Variants in RNF169 observed in about 807,000 individuals in gnomAD.
RNF169 encodes ring finger protein 169, also known as E3 ubiquitin-protein ligase RNF169.
In RNF169, 24 loss-of-function variants were observed where a neutral mutation model predicts 53.9. The ratio of observed to expected loss-of-function variants is 0.45; its 90% CI spans 0.32 to 0.63. The LOEUF (loss-of-function observed/expected upper bound fraction) is 0.63. Among genes scored for constraint, RNF169 ranks in the 20% least tolerant of loss-of-function variants. The probability of loss-of-function intolerance (pLI) is 0.04; values close to 1 mark genes in which losing one functional copy is unlikely to be tolerated. For synonymous variants in RNF169, 396 were observed against 363.5 expected (o/e 1.09, Z -1.02); for missense variants, 883 against 906.2 (o/e 0.97, Z 0.33).
intron 1 of RNF169, among the ~76,000 whole-genome samples, chr11:74,769,697 G>C (rs2035231934): frequency 6.6e-6 from 1 of 152,152 alleles, no homozygotes; most frequent in Non-Finnish European, 1.5e-5. Flanking sequence ...AAAAGAATAT[G>C]TATCCTTTGA....
chr11:74,819,973 C>T (rs181112557), intron 4 of RNF169, among the ~76,000 whole-genome samples: 19 of 152,114 alleles, frequency 1.2e-4, no homozygotes, highest in African/African-American at 7.2e-5. Flanking sequence ...AGTGGCTGTG[C>T]GTTCTATACA....
Position 74,841,060 on chromosome 11 carries a change from A to G in RNF169, c.*4330A>G, listed in dbSNP as rs2036463345. The G allele has an allele frequency of 6.6e-6, 1 of 152,170 alleles. No homozygotes were observed. Among genetic ancestry groups the G allele is most frequent in the African/African-American group, 2.4e-5 (1 of 41,440 alleles). The allele number at this position is 152,170 out of a possible 1,614,324, so 9.4% of individuals were successfully genotyped here. A position where few individuals can be genotyped will look rare whatever the true frequency, so the allele number is the denominator to read the frequency against. On this transcript the variant is annotated 3_prime_UTR_variant, in exon 6 of 6. Transcript: ENST00000299563. ...AGTCTCCATAGTATAAGTAAGTAATATGAATGTGGAATCTTGGAAAGTGAT... is the reference window on the plus strand; with the variant it reads ...AGTCTCCATAGTATAAGTAAGTAATGTGAATGTGGAATCTTGGAAAGTGAT...
intron 1 of RNF169, among the ~76,000 whole-genome samples, chr11:74,770,291 A>G (rs1009371341): frequency 3.9e-5 from 6 of 152,234 alleles, no homozygotes; most frequent in African/African-American, 1.4e-4. Flanking sequence ...TTTTTGATGT[A>G]TACTGCAGGA....
chr11:74,782,404 T>A (rs1014444950), intron 1 of RNF169, among the ~76,000 whole-genome samples: 3 of 152,108 alleles, frequency 2.0e-5, no homozygotes, highest in African/African-American at 7.2e-5. Flanking sequence ...AGCATTAGAT[T>A]CTCATAGGAG....
rs1041618945 is a variant in RNF169, at chr11:74,756,676, T to C, written c.502+7294T>C. ...GAGGGAAATAGTACATTTAAAGGCA[T>C]AGGAACATGAAACAAGGAGCGTTCT... is the stretch of plus-strand genomic sequence containing the variant. On this transcript the variant is annotated intron_variant, in intron 1 of 5. Transcript: ENST00000299563. Among the ~76,000 whole-genome samples the C allele has an allele frequency of 2.0e-5, 3 of 152,172 alleles. No individual in the cohort carries two copies. The South Asian group carries it at 6.2e-4, about 31-fold the overall frequency.
rs556078840 is a variant in RNF169, at chr11:74,836,254, T to C, written c.1651T>C (p.Leu551=). The change falls in exon 6 of 6, where the codon TTA becomes CTA. Residue 551 remains leucine (L), a synonymous_variant. Coordinates refer to ENST00000299563, the MANE Select transcript of RNF169 (RefSeq NM_001098638.2). ...TSLEREQFEG[L]GSTPDAKLDK... ...TTTGGAGAGGGAGCAGTTTGAGGGG[T>C]TAGGGTCAACTCCAGATGCCAAGTT... 6.2e-7 allele frequency: 1 copy of C among 1,613,870 alleles called. No homozygotes were observed. Among genetic ancestry groups the C allele is most frequent in the Non-Finnish European group, 8.5e-7 (1 of 1,179,968 alleles).
intron 1 of RNF169, among the ~76,000 whole-genome samples, chr11:74,757,000 A>ATTTATTTTTATT (rs6144395): frequency 0.34 from 51,128 of 150,612 alleles, 10,730 homozygotes; most frequent in African/African-American, 0.6. Context: ...TCTTTTATTT[A>ATTTATTTTTATT]TTTATTTTTA....
At chr11:74,756,765 C>T (rs545252030) in intron 1 of RNF169, among the ~76,000 whole-genome samples, 2 of 152,262 alleles carry the variant, frequency 1.3e-5, no homozygotes. Context: ...GCATGTGGGA[C>T]TGCAGAAATT....
At position 74,836,753 on chromosome 11, in the gene RNF169, T is replaced by C; in HGVS notation, c.*23T>C. ...TAGCACCTAATGAAGTGTTACCTAT[T>C]TTTAAAAGGTCTTAGGCCTTGATCA... On this transcript the variant is annotated 3_prime_UTR_variant, in exon 6 of 6. Transcript: ENST00000299563. 6.4e-7 allele frequency: 1 copy of C among 1,552,446 alleles called. No individual in the cohort carries two copies. Among genetic ancestry groups the C allele is most frequent in the Non-Finnish European group, 8.7e-7 (1 of 1,143,090 alleles).
intron 2 of RNF169, among the ~76,000 whole-genome samples, chr11:74,808,989 C>T (rs1466639037): frequency 6.6e-6 from 1 of 152,128 alleles, no homozygotes; most frequent in African/African-American, 2.4e-5. Context: ...TTCATAACCT[C>T]ATGAATTAGA....
At position 74,838,676 on chromosome 11, in the gene RNF169, T is replaced by C. The variant is rs1424579966; in HGVS notation, c.*1946T>C. ...AAAACATTTACCAAACTCATGATTT[T>C]GTAGTCACACCACTTCAGTTCTGGG... On this transcript the variant is annotated 3_prime_UTR_variant, in exon 6 of 6. Coordinates refer to ENST00000299563, the MANE Select transcript of RNF169 (RefSeq NM_001098638.2). The C allele has an allele frequency of 6.6e-6, 1 of 152,248 alleles. No homozygotes were observed. The highest frequency in any genetic ancestry group is 2.4e-5 in the African/African-American group (1 of 41,468). The allele number at this position is 152,248 out of a possible 1,614,324, so 9.4% of individuals were successfully genotyped here. A position where few individuals can be genotyped will look rare whatever the true frequency, so the allele number is the denominator to read the frequency against.
intron 1 of RNF169, among the ~76,000 whole-genome samples, chr11:74,776,436 AC>A (rs1200552816): frequency 6.7e-6 from 1 of 148,938 alleles, no homozygotes; most frequent in Non-Finnish European, 1.5e-5. Context: ...AAATTCAGCT[AC>A]CTTCAGAAAA....
chr11:74,757,358 T>C (rs1224837077), intron 1 of RNF169, among the ~76,000 whole-genome samples: 1 of 94,154 alleles, frequency 1.1e-5, no homozygotes, highest in Non-Finnish European at 2.0e-5. Flanking sequence ...TAGTATTCCA[T>C]GGTGTATATG....
rs560259294 is a variant in RNF169 at position 74,751,961 on chromosome 11, C to T, written c.502+2579C>T. ...TGAAAAGATTCCCTTTGGCCAGGCG[C>T]GGTGGCTCACCCCTGTAATCCCAGC... On this transcript the variant is annotated intron_variant, in intron 1 of 5. Coordinates refer to ENST00000299563, the MANE Select transcript of RNF169 (RefSeq NM_001098638.2). 5.9e-5 allele frequency among the ~76,000 whole-genome samples: 9 copies of T among 152,176 alleles called. No homozygotes were observed. The East Asian group carries it at 1.2e-3, about 20-fold the overall frequency.
intron 4 of RNF169, among the ~76,000 whole-genome samples, chr11:74,828,822 A>T (rs1253473676): frequency 5.9e-5 from 9 of 152,054 alleles, no homozygotes; most frequent in Non-Finnish European, 1.2e-4. Context: ...TCCTTACACC[A>T]TATAAAAAAT....
intron 1 of RNF169, among the ~76,000 whole-genome samples, chr11:74,786,045 A>T (rs1301252162): frequency 6.8e-6 from 1 of 147,764 alleles, no homozygotes; most frequent in Non-Finnish European, 1.5e-5. Context: ...GGTTCACACC[A>T]TTCTCCTGTC....
chr11:74,796,829 C>T (rs772337852), intron 2 of RNF169, among the ~76,000 whole-genome samples: 1 of 152,138 alleles, frequency 6.6e-6, no homozygotes, highest in African/African-American at 2.4e-5. Flanking sequence ...TATCCATTTT[C>T]TTTTTTTCTT....
rs530487778 is a variant in RNF169, at chr11:74,840,464, T to C, written c.*3734T>C. 6.6e-6 allele frequency: 1 copy of C among 152,364 alleles called. No individual in the cohort carries two copies. Among genetic ancestry groups the C allele is most frequent in the South Asian group, 2.1e-4 (1 of 4,832 alleles). 9.4% of individuals were successfully genotyped at this position (152,364 alleles called of 1,614,324 possible). On this transcript the variant is annotated 3_prime_UTR_variant, in exon 6 of 6. Transcript: ENST00000299563. Reference sequence around the variant, plus strand: ...AAGGAGAATGAATTTTCTCCTCTAGTGATTACAGGACATTAACATCTCTTC... The same window carrying C: ...AAGGAGAATGAATTTTCTCCTCTAGCGATTACAGGACATTAACATCTCTTC...
intron 2 of RNF169, among the ~76,000 whole-genome samples, chr11:74,792,547 G>A (rs553316943): frequency 5.9e-5 from 9 of 152,242 alleles, no homozygotes; most frequent in African/African-American, 2.2e-4. Flanking sequence ...GACTACAGGC[G>A]TGTGCCACCA....
Sources: gnomAD v4.1 joint callset for allele counts (sites outside exome capture counted in the v4.1 genomes callset) on GRCh38, gnomAD v4.1.1 for gene constraint, MANE v1.5 for transcripts, NCBI Gene and HGNC (gene_info 2026-07-23, HGNC 2026-07-21) for gene names.